Variants in SWI5 observed in about 807,000 individuals in gnomAD.
The protein encoded by SWI5 is SWI5 homologous recombination repair protein.
In SWI5, 12 loss-of-function variants were observed where a neutral mutation model predicts 17.0. The ratio of observed to expected loss-of-function variants is 0.71; its 90% confidence interval spans 0.45 to 1.14. SWI5 has a LOEUF of 1.14. SWI5 is among the 50% of genes most tolerant of loss of function. The probability of loss-of-function intolerance (pLI) is 0.00; values close to 1 mark genes in which losing one functional copy is unlikely to be tolerated. For missense variants in SWI5, 158 were observed against 162.2 expected, an observed-to-expected ratio of 0.97 and a Z score of 0.14; for synonymous variants, 61 against 64.0, an observed-to-expected ratio of 0.95 and a Z score of 0.22.
chr9:128,276,851 C>CGGGGA, intron 2 of SWI5, 96 bp downstream of exon 2: 1 of 1,286,992 alleles, frequency 7.8e-7, no homozygotes, highest in South Asian at 1.3e-5. Flanking sequence ...CCAATCCCCG[C>CGGGGA]TTGGCCCTCT....
At chr9:128,288,002 G>A (rs1831674829) in intron 4 of SWI5, among the ~76,000 whole-genome samples, 1 of 151,882 alleles carries the variant, frequency 6.6e-6, no homozygotes, top group Admixed American at 6.6e-5. Flanking sequence ...AGGGGTGGAG[G>A]AATGCCCAGG....
intron 2 of SWI5, among the ~76,000 whole-genome samples, chr9:128,282,337 A>C (rs911066238): frequency 5.9e-5 from 9 of 152,062 alleles, no homozygotes; most frequent in African/African-American, 2.2e-4. Flanking sequence ...CAGTGAGCTG[A>C]GATTGTGCCA....
upstream of SWI5, chr9:128,275,961 G>A (rs570799803): frequency 3.1e-6 from 5 of 1,594,954 alleles, no homozygotes; most frequent in South Asian, 3.3e-5. Flanking sequence ...GGAGGGAGGC[G>A]GGGTTGGGGC....
At chr9:128,275,761 T>C, upstream of SWI5, 3 of 592,530 alleles carry the variant, frequency 5.1e-6, no homozygotes, top group Non-Finnish European at 8.7e-6. Context: ...AAGACTTTGG[T>C]GGAGGGAGCC....
exon 5 of SWI5, chr9:128,288,843 G>T (rs755195873): frequency 6.5e-6 from 7 of 1,077,222 alleles, no homozygotes; most frequent in Non-Finnish European, 9.7e-6. Context: ...CTTTTCTAGA[G>T]AGCCCAAGCC....
At chr9:128,276,136 G>A (rs777545481), upstream of SWI5, 11 of 1,567,560 alleles carry the variant, frequency 7.0e-6, no homozygotes, top group East Asian at 1.8e-4. Flanking sequence ...AAGCGGAAGG[G>A]GGCGTGGCTA....
chr9:128,288,231 A>T (rs144200011), intron 4 of SWI5, among the ~76,000 whole-genome samples: 297 of 152,222 alleles, frequency 2.0e-3, no homozygotes, highest in African/African-American at 7.0e-3. Flanking sequence ...AGAGGGGCAA[A>T]CTCGAGCAGT....
At chr9:128,276,821 A>G (rs1237037845) in intron 2 of SWI5, 66 bp downstream of exon 2, 4 of 1,465,660 alleles carry the variant, frequency 2.7e-6, no homozygotes, top group South Asian at 1.3e-5. Flanking sequence ...TCCCGGCCCC[A>G]CTCCCCATCC....
At chr9:128,275,440 G>A (rs1831263178), upstream of SWI5, 1 of 1,302,634 alleles carries the variant, frequency 7.7e-7, no homozygotes, top group African/African-American at 1.5e-5. Context: ...CAGGACCCAG[G>A]TCCTTGGAGA....
At chr9:128,276,214 C>T, upstream of SWI5, 1 of 1,608,540 alleles carries the variant, frequency 6.2e-7, no homozygotes, top group Non-Finnish European at 8.5e-7. Flanking sequence ...GCTGTCCCCG[C>T]CCACCTCGGG....
chr9:128,282,180 A>G (rs967485941), intron 2 of SWI5, among the ~76,000 whole-genome samples: 4 of 152,174 alleles, frequency 2.6e-5, no homozygotes, highest in Non-Finnish European at 5.9e-5. Context: ...CGATGTCAGG[A>G]GCTTGAGACC....
At chr9:128,279,730 C>T (rs969497976) in intron 2 of SWI5, among the ~76,000 whole-genome samples, 3 of 152,298 alleles carry the variant, frequency 2.0e-5, no homozygotes, top group Admixed American at 6.5e-5. Flanking sequence ...GACTGCGGGC[C>T]GGCCTGGATA....
intron 2 of SWI5, among the ~76,000 whole-genome samples, chr9:128,280,336 G>C (rs1447567378): frequency 1.3e-5 from 2 of 151,952 alleles, no homozygotes; most frequent in Non-Finnish European, 2.9e-5. Context: ...GCTGCCTGCA[G>C]AATCTTTGCC....
chr9:128,277,424 C>G (rs1446878846), intron 2 of SWI5, among the ~76,000 whole-genome samples: 1 of 152,116 alleles, frequency 6.6e-6, no homozygotes, highest in Admixed American at 6.6e-5. Context: ...CGTGGTGGTG[C>G]AGGCCTGTAA....
upstream of SWI5, chr9:128,276,111 T>C (rs763297283): frequency 1.3e-6 from 2 of 1,569,430 alleles, no homozygotes. Flanking sequence ...AGCCCATTGG[T>C]CAATGAGAAA....
intron 2 of SWI5, among the ~76,000 whole-genome samples, chr9:128,279,363 G>C (rs1831496032): frequency 1.3e-5 from 2 of 152,108 alleles, no homozygotes; most frequent in South Asian, 4.2e-4. Context: ...CGTGGAGACC[G>C]GTAGTGGCCC....
In SWI5 at chr9:128,285,277, GA is replaced by G. The variant is rs1831619138; in HGVS notation, c.233+649del. Among the ~76,000 whole-genome samples, 1 of 150,994 alleles carries G rather than the reference GA, an allele frequency of 6.6e-6. No homozygotes were observed. Among genetic ancestry groups the G allele is most frequent in the Non-Finnish European group, 1.5e-5 (1 of 67,682 alleles). On this transcript the variant is annotated intron_variant, in intron 3 of 4. Transcript: ENST00000418976. This position sits in a 1 kb window ranked among gnomAD's most constrained non-coding sequence, Gnocchi z 4.8. ...GGGAAGGAAAGGGAAGGAAGGAAGG[GA>G]AAGGAAGGAAGGAAGGAAAGGAAGG...
rs777543502 is a variant in SWI5, at chr9:128,285,928, G to A, written c.234-11G>A. The A allele has an allele frequency of 2.9e-5, 47 of 1,602,720 alleles. No individual in the cohort carries two copies. The highest frequency in any genetic ancestry group is 6.7e-5 in the East Asian group (3 of 44,828). On this transcript the variant is annotated splice_polypyrimidine_tract_variant and intron_variant, in intron 3 of 4. Transcript: ENST00000418976. The surrounding 1 kb of genome is among the most constrained non-coding windows in gnomAD (Gnocchi z 4.8). ...GGCTGTCTTTCCCCCTCTCTCCATC[G>A]CTTATCCCAGAGGCTACAGTGTGGA...
At chr9:128,275,478 C>T, upstream of SWI5, 4 of 1,301,344 alleles carry the variant, frequency 3.1e-6, no homozygotes, top group Non-Finnish European at 3.9e-6. Flanking sequence ...CCGGGAGGTC[C>T]GGTTTGGGGC....
Sources: allele counts gnomAD v4.1 joint callset (sites outside exome capture counted in the v4.1 genomes callset), GRCh38; gene constraint gnomAD v4.1.1; non-coding constraint Gnocchi (gnomAD v3.1); transcripts MANE v1.5; gene names NCBI Gene and HGNC (gene_info 2026-07-23, HGNC 2026-07-21).